The following CCDC170 variants were observed in gnomAD, a reference collection of about 807,000 sequenced individuals.
CCDC170 encodes the protein coiled-coil domain-containing protein 170.
A neutral mutation model predicts 72.6 loss-of-function variants in CCDC170; 69 were observed. The ratio of observed to expected loss-of-function variants is 0.95; its 90% CI spans 0.78 to 1.16. The LOEUF is 1.16. Among genes scored for constraint, CCDC170 ranks in the 50% most tolerant of loss-of-function variants. The probability of loss-of-function intolerance (pLI) is 0.00; values close to 1 mark genes in which losing one functional copy is unlikely to be tolerated. For missense variants in CCDC170, 852 were observed against 832.5 expected (o/e 1.02, Z -0.29); for synonymous variants, 300 against 303.9 (o/e 0.99, Z 0.13).
intron 1 of CCDC170, among the ~76,000 whole-genome samples, chr6:151,514,161 C>T (rs1289855407): frequency 2.6e-5 from 4 of 150,948 alleles, no homozygotes; most frequent in Admixed American, 6.6e-5. Context: ...ATTAGCTGGG[C>T]GTGGTGGCAC....
chr6:151,578,121 A>G lies in CCDC170; in HGVS notation c.1092+4630A>G, dbSNP rs114984941. Among the ~76,000 whole-genome samples, 1,153 of 152,292 alleles carry G rather than the reference A, an allele frequency of 7.6e-3. 22 individuals are homozygous for G. The highest frequency in any genetic ancestry group is 0.026 in the African/African-American group (1,096 of 41,544). On this transcript the variant is annotated intron_variant, in intron 6 of 10. Transcript: ENST00000239374. ...ACACTTCCATTTGGGACGTTTCATT[A>G]TCCAAAATTATGTTGTGCGGTTGCT...
chr6:151,557,753 G>T (rs1386972599), intron 5 of CCDC170, among the ~76,000 whole-genome samples: 1 of 152,118 alleles, frequency 6.6e-6, no homozygotes, highest in East Asian at 1.9e-4. Context: ...ATTCTAACTG[G>T]GGTTAGATGA....
intron 4 of CCDC170, among the ~76,000 whole-genome samples, chr6:151,545,213 G>T (rs993318329): frequency 6.6e-6 from 1 of 151,986 alleles, no homozygotes; most frequent in Non-Finnish European, 1.5e-5. Flanking sequence ...TGAGGTCAGG[G>T]GTTTGAGACC....
At chr6:151,599,412 G>A (rs1191033638) in intron 9 of CCDC170, among the ~76,000 whole-genome samples, 1 of 152,200 alleles carries the variant, frequency 6.6e-6, no homozygotes, top group African/African-American at 2.4e-5. Context: ...AACAACAGTT[G>A]TTTGGAGTAG....
intron 1 of CCDC170, among the ~76,000 whole-genome samples, chr6:151,527,966 C>G (rs1011591637): frequency 3.3e-5 from 5 of 152,060 alleles, no homozygotes; most frequent in Non-Finnish European, 7.4e-5. Flanking sequence ...GACATTGTCC[C>G]CAGGTCAGAT....
intron 7 of CCDC170, among the ~76,000 whole-genome samples, chr6:151,590,472 G>A (rs944088316): frequency 2.6e-5 from 4 of 152,098 alleles, no homozygotes; most frequent in East Asian, 1.9e-4. Flanking sequence ...TGAATTTTCC[G>A]TCGCTAACTG....
At chr6:151,567,326 A>G (rs1402113459) in intron 5 of CCDC170, among the ~76,000 whole-genome samples, 1 of 152,206 alleles carries the variant, frequency 6.6e-6, no homozygotes, top group Non-Finnish European at 1.5e-5. Flanking sequence ...CAAGCTCAAT[A>G]TATTTGTAGG....
intron 1 of CCDC170, among the ~76,000 whole-genome samples, chr6:151,510,755 T>A (rs529723280): frequency 6.6e-6 from 1 of 152,138 alleles, no homozygotes; most frequent in African/African-American, 2.4e-5. Flanking sequence ...TCTTTTTTTT[T>A]TATAGAGTCT....
intron 5 of CCDC170, among the ~76,000 whole-genome samples, chr6:151,565,382 G>C (rs1290194413): frequency 6.6e-6 from 1 of 152,136 alleles, no homozygotes; most frequent in Non-Finnish European, 1.5e-5. Flanking sequence ...GGGGCTCTCT[G>C]GTGGCTGGGA....
intron 3 of CCDC170, among the ~76,000 whole-genome samples, chr6:151,540,028 A>G (rs1782659203): frequency 6.6e-6 from 1 of 152,192 alleles, no homozygotes; most frequent in African/African-American, 2.4e-5. Flanking sequence ...CCAAGCCACC[A>G]TTAACTCTCA....
intron 5 of CCDC170, among the ~76,000 whole-genome samples, chr6:151,556,407 A>T (rs1236591115): frequency 6.6e-6 from 1 of 152,242 alleles, no homozygotes; most frequent in Non-Finnish European, 1.5e-5. Flanking sequence ...GTGAGCTGAG[A>T]TTGAGCCACT....
At chr6:151,505,535 T>A (rs532177511) in intron 1 of CCDC170, among the ~76,000 whole-genome samples, 2 of 151,630 alleles carry the variant, frequency 1.3e-5, no homozygotes, top group African/African-American at 4.8e-5. Flanking sequence ...TACAAAAAAA[T>A]TAGCCGGGCG....
At chr6:151,502,901 G>A (rs1324284064) in intron 1 of CCDC170, among the ~76,000 whole-genome samples, 7 of 152,204 alleles carry the variant, frequency 4.6e-5, no homozygotes, top group Admixed American at 1.3e-4. Flanking sequence ...CAGGTGCGGT[G>A]GCTCACGCCT....
In CCDC170 at chr6:151,584,231, C is replaced by T. The variant is rs529189060; in HGVS notation, c.1093-1658C>T. On this transcript the variant is annotated intron_variant, in intron 6 of 10. Coordinates refer to ENST00000239374, the MANE Select transcript of CCDC170 (RefSeq NM_025059.4). ...TAGTTAGCCAATTTCCGGCCATCTT[C>T]GGTGACTGGGAATCCACTCCCTACT... 2.6e-5 allele frequency among the ~76,000 whole-genome samples: 4 copies of T among 152,330 alleles called. No homozygotes were observed. The East Asian group carries it at 5.8e-4, about 22-fold the overall frequency.
chr6:151,581,700 G>C (rs1208652121), intron 6 of CCDC170, among the ~76,000 whole-genome samples: 1 of 152,164 alleles, frequency 6.6e-6, no homozygotes, highest in African/African-American at 2.4e-5. Context: ...GGCAGCTGTA[G>C]CCTTATGAAG....
chr6:151,572,669 T>TTTTTTTTTTTG (rs1776239906), intron 5 of CCDC170, among the ~76,000 whole-genome samples: 3 of 142,576 alleles, frequency 2.1e-5, no homozygotes, highest in Admixed American at 7.2e-5. Flanking sequence ...TTTTTTTTTT[T>TTTTTTTTTTTG]GATGGAGTCT....
chr6:151,588,509 CA>C (rs1368065762), intron 7 of CCDC170, among the ~76,000 whole-genome samples: 2 of 152,090 alleles, frequency 1.3e-5, no homozygotes, highest in African/African-American at 4.8e-5. Context: ...TAGCCCAGTT[CA>C]GAAGATAATA....
chr6:151,494,255 G>C, intron 1 of CCDC170, 70 bp downstream of exon 1: 1 of 1,397,998 alleles, frequency 7.2e-7, no homozygotes, highest in Non-Finnish European at 9.4e-7. Flanking sequence ...GGGCCGAGGC[G>C]CCCCTGATTT....
intron 9 of CCDC170, among the ~76,000 whole-genome samples, chr6:151,610,437 A>G (rs1776852173): frequency 6.6e-6 from 1 of 152,212 alleles, no homozygotes; most frequent in African/African-American, 2.4e-5. Context: ...CAGATTGTTA[A>G]TATTTTACTG....
Sources: gnomAD v4.1 joint callset for allele counts (sites outside exome capture counted in the v4.1 genomes callset) on GRCh38, gnomAD v4.1.1 for gene constraint, MANE v1.5 for transcripts, NCBI Gene and HGNC (gene_info 2026-07-23, HGNC 2026-07-21) for gene names.